USP49: variants seen among roughly 807,000 people sequenced by gnomAD.
The protein encoded by USP49 is ubiquitin carboxyl-terminal hydrolase 49.
In USP49, 24 loss-of-function variants were observed where a neutral mutation model predicts 58.6. The ratio of observed to expected loss-of-function variants is 0.41; its 90% CI spans 0.30 to 0.58. USP49 has a LOEUF of 0.58. Ranked by LOEUF, USP49 falls within the 20% of genes least tolerant of loss-of-function variation. The pLI is 0.30. For missense variants in USP49, 703 were observed against 866.1 expected, an observed-to-expected ratio of 0.81 and a Z score of 2.36; for synonymous variants, 408 against 365.1, an observed-to-expected ratio of 1.12 and a Z score of -1.34.
At chr6:41,859,455 A>G (rs2025951) in intron 3 of USP49, among the ~76,000 whole-genome samples, 74,198 of 151,898 alleles carry the variant, frequency 0.49, 18,241 homozygotes, top group Middle Eastern at 0.53. Context: ...TGGGTTAAGC[A>G]TACCTTCTAT....
chr6:41,853,514 G>C (rs1281381229), intron 3 of USP49, among the ~76,000 whole-genome samples: 1 of 151,866 alleles, frequency 6.6e-6, no homozygotes, highest in Non-Finnish European at 1.5e-5. Flanking sequence ...GAAAATGAAG[G>C]GTTTAAGATG....
intron 3 of USP49, 87 bp downstream of exon 3, chr6:41,871,477 C>T (rs920632417): frequency 6.6e-6 from 1 of 152,208 alleles, no homozygotes; most frequent in Non-Finnish European, 1.5e-5. Context: ...CAATTACCCT[C>T]ATAGTATGCC....
chr6:41,815,361 C>T (rs1773330117), intron 3 of USP49, among the ~76,000 whole-genome samples: 1 of 151,482 alleles, frequency 6.6e-6, no homozygotes. Context: ...GCGGAGCTTC[C>T]AGTGAGCCAA....
Position 41,836,855 on chromosome 6 carries a change from A to ACG in USP49, c.-28-29846_-28-29845dup, listed in dbSNP as rs571102479. ...GATCTCATTCAGAACAGACACACAC[A>ACG]CGCACACACACACACACACACAAAC... On this transcript the variant is annotated intron_variant, in intron 3 of 7. Coordinates refer to ENST00000682992, the MANE Select transcript of USP49 (RefSeq NM_001286554.2). Among the ~76,000 whole-genome samples the ACG allele has an allele frequency of 1.7e-3, 257 of 150,708 alleles. 1 individual carries two copies. Among genetic ancestry groups the ACG allele is most frequent in the African/African-American group, 5.8e-3 (234 of 40,342 alleles).
rs1403361282 is a variant in USP49 at position 41,791,614 on chromosome 6, AAC to A, written c.*4917_*4918del. Reference sequence around the variant, plus strand: ...TCACACTTTTCAGCCCTGGCTAGTTAACACAGTACTATGAAAATCTTTAGCTA... The same window carrying A: ...TCACACTTTTCAGCCCTGGCTAGTTAACAGTACTATGAAAATCTTTAGCTA... On this transcript the variant is annotated 3_prime_UTR_variant, in exon 8 of 8. Coordinates refer to ENST00000682992, the MANE Select transcript of USP49 (RefSeq NM_001286554.2). 3.9e-5 allele frequency: 6 copies of A among 152,258 alleles called. No homozygotes were observed. The highest frequency in any genetic ancestry group is 7.3e-5 in the Non-Finnish European group (5 of 68,046). The allele number at this position is 152,258 out of a possible 1,614,324, so 9.4% of individuals were successfully genotyped here.
intron 3 of USP49, among the ~76,000 whole-genome samples, chr6:41,854,747 C>G (rs1311421224): frequency 6.6e-6 from 1 of 152,078 alleles, no homozygotes; most frequent in African/African-American, 2.4e-5. Flanking sequence ...TGTTTTAGAT[C>G]AAATCCTTAG....
At chr6:41,860,394 T>C (rs1244763668) in intron 3 of USP49, among the ~76,000 whole-genome samples, 1 of 152,208 alleles carries the variant, frequency 6.6e-6, no homozygotes, top group African/African-American at 2.4e-5. Context: ...CAAACAATTT[T>C]TTAAATGAGA....
chr6:41,851,417 A>G (rs559241162), intron 3 of USP49, among the ~76,000 whole-genome samples: 1 of 152,368 alleles, frequency 6.6e-6, no homozygotes, highest in African/African-American at 2.4e-5. Flanking sequence ...AAGGCACTGG[A>G]CAAGATTCAA....
chr6:41,803,685 A>T lies in USP49; in HGVS notation c.1561+121T>A, dbSNP rs1773059355. ...AATGGGAGAAAAAGATCTTTAAAAG[A>T]TGCTTTAGAACCATTCAATATCATT... On this transcript the variant is annotated intron_variant, in intron 5 of 7. Coordinates refer to ENST00000682992, the MANE Select transcript of USP49 (RefSeq NM_001286554.2). The surrounding 1 kb of genome is among the most constrained non-coding windows in gnomAD (Gnocchi z 4.1). The T allele has an allele frequency of 4.7e-6, 5 of 1,055,304 alleles. No homozygotes were observed. Among genetic ancestry groups the T allele is most frequent in the Non-Finnish European group, 6.9e-6 (5 of 728,500 alleles). The allele number at this position is 1,055,304 out of a possible 1,614,324, so 65.4% of individuals were successfully genotyped here. A position where few individuals can be genotyped will look rare whatever the true frequency, so the allele number is the denominator to read the frequency against.
chr6:41,792,472 C>T lies in USP49; in HGVS notation c.*4061G>A, dbSNP rs866915199. The T allele has an allele frequency of 4.6e-5, 7 of 152,206 alleles. No individual in the cohort carries two copies. The highest frequency in any genetic ancestry group is 1.4e-4 in the African/African-American group (6 of 41,454). The allele number at this position is 152,206 out of a possible 1,614,324, so 9.4% of individuals were successfully genotyped here. A position where few individuals can be genotyped will look rare whatever the true frequency, so the allele number is the denominator to read the frequency against. ...CAACCACCTGGGAAAGCAACCCTTC[C>T]ACTCACAAGAGGTAACCTCAGATAG... On this transcript the variant is annotated 3_prime_UTR_variant, in exon 8 of 8. Coordinates refer to ENST00000682992, the MANE Select transcript of USP49 (RefSeq NM_001286554.2).
intron 2 of USP49, among the ~76,000 whole-genome samples, chr6:41,885,084 T>C (rs766593348): frequency 6.6e-6 from 1 of 152,224 alleles, no homozygotes; most frequent in Non-Finnish European, 1.5e-5. Context: ...ACTTTATTTG[T>C]TCTATGTAAC....
rs942759823 is a variant in USP49, at chr6:41,805,700, G to A, written c.1284C>T (p.Phe428=). The change falls in exon 4 of 8, where the codon TTC becomes TTT. Residue 428 remains phenylalanine, a synonymous_variant. Transcript: ENST00000682992. ...EGTTRRILIP[F]SQRKLTKQVL... ...CCTGTTTGGTGAGCTTCCTCTGGGA[G>A]AAGGGGATGAGGATCCGGCGTGTGG... 1.9e-6 allele frequency: 3 copies of A among 1,614,186 alleles called. No homozygotes were observed. In the Admixed American group the frequency reaches 5.0e-5, roughly 27 times the overall value.
At chr6:41,824,330 A>C (rs1773500813) in intron 3 of USP49, among the ~76,000 whole-genome samples, 1 of 152,158 alleles carries the variant, frequency 6.6e-6, no homozygotes, top group African/African-American at 2.4e-5. Flanking sequence ...GGTTTTTCTA[A>C]TATCCATTTT....
At position 41,839,556 on chromosome 6, in the gene USP49, A is replaced by C. The variant is rs146084452; in HGVS notation, c.-29+32008T>G. 4.2e-3 allele frequency among the ~76,000 whole-genome samples: 587 copies of C among 141,336 alleles called. 4 individuals carry two copies. The highest frequency in any genetic ancestry group is 0.015 in the African/African-American group (568 of 37,308). The allele number at this position is 141,336 out of a possible 152,430, so 92.7% of individuals were successfully genotyped here. On this transcript the variant is annotated intron_variant, in intron 3 of 7. Transcript: ENST00000682992. ...CGAAGATCAGAACAGACCTAAAATAAATTGAAACAAAAAAAAATACAAAAG... is the reference window on the plus strand; with the variant it reads ...CGAAGATCAGAACAGACCTAAAATACATTGAAACAAAAAAAAATACAAAAG...
At chr6:41,869,374 A>C (rs947922895) in intron 3 of USP49, among the ~76,000 whole-genome samples, 28 of 152,082 alleles carry the variant, frequency 1.8e-4, no homozygotes, top group African/African-American at 6.5e-4. Flanking sequence ...TCTTTAAATA[A>C]AAAATAAAAT....
intron 2 of USP49, among the ~76,000 whole-genome samples, chr6:41,888,612 C>T (rs563074966): frequency 6.6e-6 from 1 of 152,044 alleles, no homozygotes; most frequent in African/African-American, 2.4e-5. Context: ...CGCCACCACA[C>T]CTGTCTAATT....
In USP49 at chr6:41,800,030, C is replaced by T. The variant is rs941721023; in HGVS notation, c.1562-92G>A. 3.5e-6 allele frequency: 4 copies of T among 1,131,158 alleles called. No individual in the cohort carries two copies. In the East Asian group the frequency reaches 9.6e-5, roughly 27 times the overall value. 70.1% of individuals were successfully genotyped at this position (1,131,158 alleles called of 1,614,324 possible). A position where few individuals can be genotyped will look rare whatever the true frequency, so the allele number is the denominator to read the frequency against. On this transcript the variant is annotated intron_variant, in intron 5 of 7. Transcript: ENST00000682992. ...TGACTTGCCATTCAATATGCATTCT[C>T]CATATTTCTCAGTATCTGAACCTCA...
intron 6 of USP49, among the ~76,000 whole-genome samples, chr6:41,799,599 G>C (rs1039359111): frequency 6.6e-6 from 1 of 152,234 alleles, no homozygotes; most frequent in Non-Finnish European, 1.5e-5. Flanking sequence ...ACCCAGTGCA[G>C]GCTGGATAAT....
intron 7 of USP49, 50 bp downstream of exon 7, chr6:41,798,673 CA>C (rs751773617): frequency 7.9e-5 from 127 of 1,612,888 alleles, no homozygotes; most frequent in Non-Finnish European, 1.1e-4. Context: ...AAAATGTGGA[CA>C]AATCAACCCC....
Sources: allele counts gnomAD v4.1 joint callset (sites outside exome capture counted in the v4.1 genomes callset), GRCh38; gene constraint gnomAD v4.1.1; non-coding constraint Gnocchi (gnomAD v3.1); transcripts MANE v1.5; gene names NCBI Gene and HGNC (gene_info 2026-07-23, HGNC 2026-07-21).